Variants in SH3BGR observed in about 807,000 individuals in gnomAD.
SH3BGR encodes SH3 domain-binding glutamic acid-rich protein.
In SH3BGR, 29 loss-of-function variants were observed where a neutral mutation model predicts 24.5. The observed-to-expected ratio is 1.18, with a 90% confidence interval of 0.88 to 1.61. The LOEUF (loss-of-function observed/expected upper bound fraction) is 1.61, where lower values mean the gene tolerates loss of function less well. Ranked by LOEUF, SH3BGR falls within the 40% of genes most tolerant of loss-of-function variation. SH3BGR has a pLI of 0.00. For missense variants in SH3BGR, 162 were observed against 205.8 expected (o/e 0.79, Z 1.30); for synonymous variants, 55 against 65.7 (o/e 0.84, Z 0.79).
At chr21:39,473,241 C>T (rs2077970834) in intron 2 of SH3BGR, among the ~76,000 whole-genome samples, 1 of 152,162 alleles carries the variant, frequency 6.6e-6, no homozygotes, top group African/African-American at 2.4e-5. Context: ...TATAATAAAA[C>T]CTTTCTTGCC....
intron 1 of SH3BGR, among the ~76,000 whole-genome samples, chr21:39,456,574 G>A (rs7281991): frequency 0.045 from 6,868 of 152,168 alleles, 486 homozygotes; most frequent in African/African-American, 0.16. Flanking sequence ...TTTCCGTGTG[G>A]GGTAGCAGTT....
At chr21:39,507,544 G>A (rs188214595) in intron 4 of SH3BGR, among the ~76,000 whole-genome samples, 1 of 152,234 alleles carries the variant, frequency 6.6e-6, no homozygotes. Context: ...TGTTGGTCAG[G>A]CTGGTCTCAA....
chr21:39,446,294 T>C (rs764163241), intron 1 of SH3BGR, among the ~76,000 whole-genome samples: 2 of 152,148 alleles, frequency 1.3e-5, no homozygotes, highest in Non-Finnish European at 2.9e-5. Context: ...GAGTTATAGA[T>C]GTTTTTTAAT....
intron 2 of SH3BGR, among the ~76,000 whole-genome samples, chr21:39,470,643 T>C (rs757885428): frequency 6.6e-6 from 1 of 152,236 alleles, no homozygotes; most frequent in Non-Finnish European, 1.5e-5. Context: ...AGTATTTCAG[T>C]TGGCCTCTCA....
intron 1 of SH3BGR, among the ~76,000 whole-genome samples, chr21:39,453,257 A>G (rs1051176108): frequency 1.3e-5 from 2 of 152,206 alleles, no homozygotes; most frequent in African/African-American, 4.8e-5. Flanking sequence ...CTGAGCAGCT[A>G]TTGTTTTAGT....
intron 2 of SH3BGR, among the ~76,000 whole-genome samples, chr21:39,472,556 A>G (rs2077959143): frequency 6.6e-6 from 1 of 152,138 alleles, no homozygotes; most frequent in Non-Finnish European, 1.5e-5. Flanking sequence ...TCAAACCTAG[A>G]CACATCTTAA....
At chr21:39,508,129 A>G (rs2078614657) in intron 4 of SH3BGR, among the ~76,000 whole-genome samples, 1 of 152,184 alleles carries the variant, frequency 6.6e-6, no homozygotes, top group African/African-American at 2.4e-5. Flanking sequence ...GAGAATGTAT[A>G]TGACTGCAAG....
intron 1 of SH3BGR, among the ~76,000 whole-genome samples, chr21:39,457,903 C>T (rs1391488457): frequency 6.6e-6 from 1 of 151,764 alleles, no homozygotes; most frequent in African/African-American, 2.4e-5. Context: ...CCAGCCTGGG[C>T]AACAGAGGGA....
intron 2 of SH3BGR, among the ~76,000 whole-genome samples, chr21:39,468,161 G>A (rs553264850): frequency 1.4e-4 from 21 of 152,320 alleles, no homozygotes; most frequent in African/African-American, 4.3e-4. Context: ...GAGTGTCTCC[G>A]GGTACTCAGG....
At position 39,509,031 on chromosome 21, in the gene SH3BGR, C is replaced by A; in HGVS notation, c.435+4C>A. 1 of 1,606,832 alleles carries A rather than the reference C, an allele frequency of 6.2e-7. No individual in the cohort carries two copies. Among genetic ancestry groups the A allele is most frequent in the Non-Finnish European group, 8.5e-7 (1 of 1,175,604 alleles). On this transcript the variant is annotated splice_donor_region_variant and intron_variant, in intron 5 of 6. Coordinates refer to ENST00000333634, the MANE Select transcript of SH3BGR (RefSeq NM_007341.3). ...AGGAGAGACAGCCACAGAAGAGGTA[C>A]GGTCGACCATCTTTAACAGCTGTGC...
chr21:39,503,402 G>A (rs778291262), intron 4 of SH3BGR, among the ~76,000 whole-genome samples: 24 of 151,740 alleles, frequency 1.6e-4, no homozygotes, highest in Non-Finnish European at 3.2e-4. Flanking sequence ...ACCATATCAA[G>A]TTTTTACCTT....
At chr21:39,489,773 A>T (rs2078268613) in intron 3 of SH3BGR, among the ~76,000 whole-genome samples, 1 of 152,250 alleles carries the variant, frequency 6.6e-6, no homozygotes, top group Non-Finnish European at 1.5e-5. Context: ...AGAGCAATTA[A>T]GCAGAAGCTT....
chr21:39,451,825 C>T, upstream of SH3BGR: 2 of 1,449,130 alleles, frequency 1.4e-6, no homozygotes, highest in Non-Finnish European at 1.9e-6. Context: ...GGAAAGGGTC[C>T]AGTGGCTGCT....
At chr21:39,469,656 T>C (rs1427276139) in intron 2 of SH3BGR, among the ~76,000 whole-genome samples, 2 of 151,632 alleles carry the variant, frequency 1.3e-5, no homozygotes, top group East Asian at 3.9e-4. Flanking sequence ...ATTTTATTTA[T>C]TATTATTATT....
chr21:39,457,412 A>G (rs1602069491), intron 1 of SH3BGR, among the ~76,000 whole-genome samples: 1 of 143,516 alleles, frequency 7.0e-6, no homozygotes, highest in African/African-American at 2.5e-5. Context: ...AATCTTATAT[A>G]TAAGATTATT....
intron 3 of SH3BGR, among the ~76,000 whole-genome samples, chr21:39,479,232 G>GTGGTGA (rs1555912278): frequency 1.4e-5 from 2 of 141,640 alleles, no homozygotes; most frequent in Non-Finnish European, 3.1e-5. Context: ...AAGGGTGGTG[G>GTGGTGA]TGGTGGTGGT....
In SH3BGR at chr21:39,453,220, C is replaced by T. The variant is rs563263382; in HGVS notation, c.45+1079C>T. ...GTGAGAAGAAAGCAAGAGAAAATAG[C>T]TTGGCTGTCCCTTTTGCTAAGTACA... On this transcript the variant is annotated intron_variant, in intron 1 of 6. Coordinates refer to ENST00000333634, the MANE Select transcript of SH3BGR (RefSeq NM_007341.3). Among the ~76,000 whole-genome samples the T allele has an allele frequency of 5.9e-5, 9 of 152,316 alleles. No individual in the cohort carries two copies. In the South Asian group the frequency reaches 1.4e-3, roughly 25 times the overall value.
intron 3 of SH3BGR, among the ~76,000 whole-genome samples, chr21:39,497,164 T>C (rs1198510176): frequency 6.6e-6 from 1 of 150,558 alleles, no homozygotes; most frequent in East Asian, 1.9e-4. Context: ...TATGTTTATA[T>C]AAAATATTTT....
chr21:39,476,041 A>G (rs1248486143), intron 3 of SH3BGR, among the ~76,000 whole-genome samples: 1 of 152,226 alleles, frequency 6.6e-6, no homozygotes, highest in African/African-American at 2.4e-5. Context: ...CTGCGAACGC[A>G]TGTAGATGGA....
Sources: allele counts gnomAD v4.1 joint callset (sites outside exome capture counted in the v4.1 genomes callset), GRCh38; gene constraint gnomAD v4.1.1; transcripts MANE v1.5; gene names NCBI Gene and HGNC (gene_info 2026-07-23, HGNC 2026-07-21).